CHODL: variants seen among roughly 807,000 people sequenced by gnomAD.
CHODL encodes chondrolectin.
A neutral mutation model predicts 34.5 loss-of-function variants in CHODL; 29 were observed. The observed-to-expected ratio is 0.84, with a 90% CI of 0.63 to 1.15. The LOEUF is 1.15. CHODL is among the 50% of genes most tolerant of loss of function. The probability of loss-of-function intolerance (pLI) is 0.00; values close to 1 mark genes in which losing one functional copy is unlikely to be tolerated. For missense variants in CHODL, 332 were observed against 332.5 expected, an observed-to-expected ratio of 1.00 and a Z score of 0.01; for synonymous variants, 125 against 116.1, an observed-to-expected ratio of 1.08 and a Z score of -0.49.
intron 1 of CHODL, among the ~76,000 whole-genome samples, chr21:17,992,910 C>A (rs531617564): frequency 7.8e-4 from 119 of 152,102 alleles, no homozygotes; most frequent in Non-Finnish European, 1.5e-3. Flanking sequence ...GCCTCAGCCT[C>A]CGAAAGTCCT....
chr21:18,062,336 G>C (rs2064677290), intron 2 of CHODL, among the ~76,000 whole-genome samples: 1 of 151,978 alleles, frequency 6.6e-6, no homozygotes, highest in Admixed American at 6.5e-5. Context: ...AGCTTCCTGA[G>C]TACCCGAGAT....
chr21:18,206,121 A>C (rs1015995649), intron 2 of CHODL, among the ~76,000 whole-genome samples: 2 of 152,186 alleles, frequency 1.3e-5, no homozygotes, highest in African/African-American at 4.8e-5. Context: ...TCACTGGATA[A>C]AATGTTCCGT....
At chr21:17,955,734 G>T (rs1433236416) in intron 1 of CHODL, among the ~76,000 whole-genome samples, 3 of 136,768 alleles carry the variant, frequency 2.2e-5, no homozygotes, top group Admixed American at 2.2e-4. Context: ...AAAATTGCTT[G>T]CTTTTTTGGG....
At chr21:18,128,215 G>A (rs2072601168) in intron 2 of CHODL, among the ~76,000 whole-genome samples, 1 of 148,314 alleles carries the variant, frequency 6.7e-6, no homozygotes, top group Non-Finnish European at 1.5e-5. Context: ...GCAGGAGAAT[G>A]GTGTGAACCT....
chr21:18,185,920 T>G (rs553771348), intron 2 of CHODL, among the ~76,000 whole-genome samples: 2 of 152,282 alleles, frequency 1.3e-5, no homozygotes, highest in East Asian at 3.9e-4. Context: ...CCTAATGACT[T>G]AATCATCTCC....
chr21:18,007,657 G>A (rs1216281646), intron 1 of CHODL, among the ~76,000 whole-genome samples: 2 of 152,070 alleles, frequency 1.3e-5, no homozygotes, highest in Non-Finnish European at 2.9e-5. Flanking sequence ...TCCCTAAATC[G>A]AACTGCTATT....
chr21:18,175,777 C>T (rs946491622), intron 2 of CHODL, among the ~76,000 whole-genome samples: 3 of 152,062 alleles, frequency 2.0e-5, no homozygotes, highest in Admixed American at 2.0e-4. Context: ...GGAAAGTCCT[C>T]TTTGAGGAGA....
intron 1 of CHODL, among the ~76,000 whole-genome samples, chr21:17,921,557 A>G (rs923895587): frequency 2.6e-5 from 4 of 152,228 alleles, no homozygotes; most frequent in Non-Finnish European, 5.9e-5. Flanking sequence ...AGCCACTAGG[A>G]AGAAGGAAGC....
At chr21:18,190,230 G>A (rs1718710772) in intron 2 of CHODL, among the ~76,000 whole-genome samples, 1 of 152,060 alleles carries the variant, frequency 6.6e-6, no homozygotes, top group Admixed American at 6.5e-5. Context: ...AAGATTCTAG[G>A]CCTAGGTGTA....
At chr21:17,951,536 A>G (rs2063457450) in intron 1 of CHODL, among the ~76,000 whole-genome samples, 4 of 144,608 alleles carry the variant, frequency 2.8e-5, no homozygotes. Flanking sequence ...ACACAAACAG[A>G]CACACACACA....
At chr21:17,929,821 G>A (rs1456461963) in intron 1 of CHODL, among the ~76,000 whole-genome samples, 1 of 72,898 alleles carries the variant, frequency 1.4e-5, no homozygotes, top group African/African-American at 3.1e-5. Context: ...GTGCCAGGAG[G>A]GAGTGGGGAG....
At chr21:18,059,155 T>A (rs1350823376) in intron 2 of CHODL, among the ~76,000 whole-genome samples, 1 of 152,090 alleles carries the variant, frequency 6.6e-6, no homozygotes, top group Non-Finnish European at 1.5e-5. Context: ...TTATAAGAAG[T>A]GACACCGGAA....
intron 1 of CHODL, among the ~76,000 whole-genome samples, chr21:18,005,477 C>A (rs932224799): frequency 6.6e-6 from 1 of 152,088 alleles, no homozygotes; most frequent in African/African-American, 2.4e-5. Context: ...TTTTTAAAAT[C>A]AACTCCCAAG....
chr21:18,142,553 A>C (rs150650868), intron 2 of CHODL, among the ~76,000 whole-genome samples: 1 of 152,260 alleles, frequency 6.6e-6, no homozygotes, highest in African/African-American at 2.4e-5. Flanking sequence ...TTCTGGTTTC[A>C]AGTTGAAGAG....
At chr21:18,060,689 G>A (rs1250731271) in intron 2 of CHODL, among the ~76,000 whole-genome samples, 2 of 132,356 alleles carry the variant, frequency 1.5e-5, no homozygotes, top group East Asian at 4.0e-4. Flanking sequence ...CCATACAGTA[G>A]TAAATCTTAC....
intron 1 of CHODL, among the ~76,000 whole-genome samples, chr21:17,970,976 A>G (rs1390304982): frequency 6.6e-6 from 1 of 151,886 alleles, no homozygotes; most frequent in East Asian, 1.9e-4. Flanking sequence ...GAGTGAGAAG[A>G]TGTGCTGTTC....
intron 2 of CHODL, among the ~76,000 whole-genome samples, chr21:18,117,123 G>T (rs2065422623): frequency 6.6e-6 from 1 of 152,198 alleles, no homozygotes; most frequent in Admixed American, 6.5e-5. Flanking sequence ...GCAGAGTACA[G>T]TAGCTGATGC....
chr21:18,160,422 G>A (rs2073082656), intron 2 of CHODL, among the ~76,000 whole-genome samples: 1 of 152,000 alleles, frequency 6.6e-6, no homozygotes, highest in African/African-American at 2.4e-5. Context: ...TTGTTGTACA[G>A]ATTATTTCAT....
chr21:18,061,298 G>A (rs755189598), intron 2 of CHODL, among the ~76,000 whole-genome samples: 2 of 152,166 alleles, frequency 1.3e-5, no homozygotes, highest in Non-Finnish European at 2.9e-5. Context: ...GGATGACTTT[G>A]ATGATAAGTC....
Sources: gnomAD v4.1 joint callset for allele counts (sites outside exome capture counted in the v4.1 genomes callset) on GRCh38, gnomAD v4.1.1 for gene constraint, MANE v1.5 for transcripts, NCBI Gene and HGNC (gene_info 2026-07-23, HGNC 2026-07-21) for gene names.